Variants in ST8SIA6 observed in about 807,000 individuals in gnomAD.
ST8SIA6 encodes the protein alpha-2,8-sialyltransferase 8F.
ST8SIA6 carries 39 observed loss-of-function variants against 33.6 expected under a neutral mutation model. That is an observed-to-expected ratio of 1.16 (90% confidence interval 0.90 to 1.52). The LOEUF (loss-of-function observed/expected upper bound fraction) is 1.52. ST8SIA6 is among the 40% of genes most tolerant of loss of function. The pLI, the probability that ST8SIA6 is intolerant of heterozygous loss-of-function variation, is 0.00. For synonymous variants in ST8SIA6, 172 were observed against 167.2 expected (o/e 1.03, Z -0.22); for missense variants, 441 against 443.8 (o/e 0.99, Z 0.06).
At chr10:17,392,121 T>C (rs939584083) in intron 2 of ST8SIA6, among the ~76,000 whole-genome samples, 1 of 152,148 alleles carries the variant, frequency 6.6e-6, no homozygotes, top group Non-Finnish European at 1.5e-5. Context: ...AAAATAGACA[T>C]GGTCTTATTC....
intron 2 of ST8SIA6, among the ~76,000 whole-genome samples, chr10:17,423,984 C>T (rs985708910): frequency 1.3e-5 from 2 of 152,214 alleles, no homozygotes; most frequent in Non-Finnish European, 2.9e-5. Flanking sequence ...TTGAATCCTT[C>T]TGTCCAGCTA....
At chr10:17,443,944 C>G (rs193200808) in intron 2 of ST8SIA6, among the ~76,000 whole-genome samples, 12 of 152,312 alleles carry the variant, frequency 7.9e-5, no homozygotes, top group African/African-American at 2.6e-4. Context: ...ACTACTGACT[C>G]TAAAAGGAAT....
chr10:17,375,771 A>C (rs1000174232), intron 3 of ST8SIA6, among the ~76,000 whole-genome samples: 1 of 152,206 alleles, frequency 6.6e-6, no homozygotes, highest in African/African-American at 2.4e-5. Flanking sequence ...AGTGGCTTAC[A>C]TGCTGTTCCT....
intron 1 of ST8SIA6, 68 bp from the exon 2 acceptor site, chr10:17,453,725 G>A (rs1052415364): frequency 2.5e-6 from 3 of 1,183,144 alleles, no homozygotes; most frequent in African/African-American, 1.6e-5. Context: ...AAGGCTGGGA[G>A]TCGCGCTCCT....
intron 2 of ST8SIA6, among the ~76,000 whole-genome samples, chr10:17,452,126 GC>G (rs1349518528): frequency 1.3e-5 from 2 of 152,142 alleles, no homozygotes; most frequent in Non-Finnish European, 2.9e-5. Flanking sequence ...AGAAAGCTAG[GC>G]TACCTATAGT....
chr10:17,336,706 G>T (rs890659784), intron 4 of ST8SIA6, among the ~76,000 whole-genome samples: 2 of 149,666 alleles, frequency 1.3e-5, no homozygotes, highest in Admixed American at 6.7e-5. Flanking sequence ...CGATTCTCCT[G>T]CCTCAGCCTC....
chr10:17,453,398 C>A (rs183674488), intron 2 of ST8SIA6, among the ~76,000 whole-genome samples, 161 bp downstream of exon 2: 1 of 151,878 alleles, frequency 6.6e-6, no homozygotes. Context: ...AAGGGTGCCC[C>A]CCCCCAACCC....
At chr10:17,367,245 G>A (rs964628879) in intron 3 of ST8SIA6, among the ~76,000 whole-genome samples, 11 of 152,160 alleles carry the variant, frequency 7.2e-5, no homozygotes, top group Non-Finnish European at 1.2e-4. Flanking sequence ...CATGGCTGGG[G>A]AGGCCTCACA....
chr10:17,330,690 T>C (rs1205080062), intron 5 of ST8SIA6, among the ~76,000 whole-genome samples: 1 of 152,176 alleles, frequency 6.6e-6, no homozygotes, highest in Non-Finnish European at 1.5e-5. Flanking sequence ...CATCTTGATA[T>C]GGCCTAATTG....
intron 3 of ST8SIA6, among the ~76,000 whole-genome samples, chr10:17,378,811 G>A (rs1320659256): frequency 6.6e-6 from 1 of 152,080 alleles, no homozygotes; most frequent in African/African-American, 2.4e-5. Context: ...CTCCAATGAG[G>A]GAATTTAAGA....
Position 17,321,186 on chromosome 10 carries a change from G to T in ST8SIA6, c.889C>A (p.Leu297Ile), listed in dbSNP as rs1847932398. Residue 297 changes from leucine to isoleucine, a missense_variant, in exon 8 of 8, where the codon CTA (leucine) becomes ATA (isoleucine). Physicochemically the swap from Leu to Ile is conservative, Grantham distance 5. Coordinates refer to ENST00000377602, the MANE Select transcript of ST8SIA6 (RefSeq NM_001004470.3). ...LEESKARQKV[L>I]FFHPKYLKDL... ...TTCAGGTACTTGGGATGGAAAAATA[G>T]AACCTTTTGTCTTGCTTTAGACTCT... 6.2e-7 allele frequency: 1 copy of T among 1,613,924 alleles called. No individual in the cohort carries two copies. The highest frequency in any genetic ancestry group is 1.1e-5 in the South Asian group (1 of 91,074).
intron 4 of ST8SIA6, among the ~76,000 whole-genome samples, chr10:17,348,344 G>A (rs1848918655): frequency 6.6e-6 from 1 of 151,062 alleles, no homozygotes; most frequent in Admixed American, 6.6e-5. Context: ...ACACCAATAT[G>A]CTACTCTGTG....
At chr10:17,336,240 A>G (rs1848494921) in intron 4 of ST8SIA6, among the ~76,000 whole-genome samples, 1 of 152,152 alleles carries the variant, frequency 6.6e-6, no homozygotes, top group Admixed American at 6.6e-5. Flanking sequence ...TACATGCCTG[A>G]GCCGCCGCAC....
At position 17,419,010 on chromosome 10, in the gene ST8SIA6, A is replaced by G. The variant is rs576208302; in HGVS notation, c.201-28390T>C. ...CTCCATCTCAAAAAAAAAAAAAAAA[A>G]AAAAAGAAAAATTTAGTCATGCTCA... On this transcript the variant is annotated intron_variant, in intron 2 of 7. Coordinates refer to ENST00000377602, the MANE Select transcript of ST8SIA6 (RefSeq NM_001004470.3). Among the ~76,000 whole-genome samples the G allele has an allele frequency of 3.3e-3, 497 of 150,186 alleles. 8 individuals carry two copies. Among genetic ancestry groups the G allele is most frequent in the African/African-American group, 0.011 (457 of 40,226 alleles).
intron 2 of ST8SIA6, among the ~76,000 whole-genome samples, chr10:17,404,276 G>T (rs957935757): frequency 5.3e-5 from 8 of 152,058 alleles, no homozygotes; most frequent in Non-Finnish European, 1.2e-4. Flanking sequence ...ACCCGAAGTC[G>T]CTGTCCGAGT....
At chr10:17,337,130 T>C (rs929394106) in intron 4 of ST8SIA6, among the ~76,000 whole-genome samples, 2 of 146,482 alleles carry the variant, frequency 1.4e-5, no homozygotes, top group Non-Finnish European at 3.0e-5. Flanking sequence ...TGTTTTAAAG[T>C]GTGAAGCACC....
chr10:17,447,214 C>A (rs1852745129), intron 2 of ST8SIA6, among the ~76,000 whole-genome samples: 1 of 151,604 alleles, frequency 6.6e-6, no homozygotes, highest in Non-Finnish European at 1.5e-5. Context: ...CATAGTGAAA[C>A]CCCATCTTTA....
chr10:17,397,584 C>T (rs1850859488), intron 2 of ST8SIA6, among the ~76,000 whole-genome samples: 1 of 152,164 alleles, frequency 6.6e-6, no homozygotes, highest in Non-Finnish European at 1.5e-5. Flanking sequence ...ACCTTCCATC[C>T]CCATCGCTCT....
At chr10:17,369,409 T>C (rs1055486938) in intron 3 of ST8SIA6, among the ~76,000 whole-genome samples, 1 of 152,240 alleles carries the variant, frequency 6.6e-6, no homozygotes, top group Non-Finnish European at 1.5e-5. Flanking sequence ...GTATTTCAAA[T>C]ATCACTTCAT....
Sources: allele counts gnomAD v4.1 joint callset (sites outside exome capture counted in the v4.1 genomes callset), GRCh38; gene constraint gnomAD v4.1.1; transcripts MANE v1.5; gene names NCBI Gene and HGNC (gene_info 2026-07-23, HGNC 2026-07-21).